Variants in SLC7A13 observed in about 807,000 individuals in gnomAD.
SLC7A13 encodes X-amino acid transporter 2.
SLC7A13 carries 31 observed loss-of-function variants against 32.0 expected under a neutral mutation model. The ratio of observed to expected loss-of-function variants is 0.97; its 90% CI spans 0.73 to 1.31. The LOEUF is 1.31. Among genes scored for constraint, SLC7A13 ranks in the 50% most tolerant of loss-of-function variants. SLC7A13 has a pLI of 0.00. For missense variants in SLC7A13, 633 were observed against 546.9 expected (o/e 1.16, Z -1.57); for synonymous variants, 232 against 206.9 (o/e 1.12, Z -1.04).
At position 86,230,293 on chromosome 8, in the gene SLC7A13, T is replaced by C. The variant is rs1166845366; in HGVS notation, c.-16A>G. 6.6e-7 allele frequency: 1 copy of C among 1,522,584 alleles called. No individual in the cohort carries two copies. The highest frequency in any genetic ancestry group is 1.4e-5 in the African/African-American group (1 of 71,734). The allele number at this position is 1,522,584 out of a possible 1,614,324, so 94.3% of individuals were successfully genotyped here. On this transcript the variant is annotated 5_prime_UTR_variant, in exon 1 of 4. Coordinates refer to ENST00000297524, the MANE Select transcript of SLC7A13 (RefSeq NM_138817.3). ...CTCTATCCATTGTAATTGAAGAGTT[T>C]TAAAATTCTATATAAATTACAATTT... is the stretch of plus-strand genomic sequence containing the variant.
chr8:86,222,427 G>A (rs1328136248), intron 2 of SLC7A13, among the ~76,000 whole-genome samples: 1 of 151,806 alleles, frequency 6.6e-6, no homozygotes, highest in Non-Finnish European at 1.5e-5. Flanking sequence ...CTCTAAGATA[G>A]CTATTTTTTG....
At chr8:86,214,946 T>C (rs1820154585) in intron 3 of SLC7A13, among the ~76,000 whole-genome samples, 1 of 152,142 alleles carries the variant, frequency 6.6e-6, no homozygotes, top group East Asian at 1.9e-4. Flanking sequence ...ACCATGAATC[T>C]GTTAAGAGGG....
chr8:86,217,373 G>T (rs938608606), intron 3 of SLC7A13, 97 bp downstream of exon 3: 9 of 1,143,860 alleles, frequency 7.9e-6, no homozygotes, highest in Non-Finnish European at 1.1e-5. Context: ...TGAGTATTCA[G>T]AAGATCTACT....
chr8:86,225,303 A>G (rs896112650), intron 1 of SLC7A13, among the ~76,000 whole-genome samples: 1 of 152,178 alleles, frequency 6.6e-6, no homozygotes, highest in Non-Finnish European at 1.5e-5. Context: ...GAAGGTTTTA[A>G]TTTTAACCCT....
At chr8:86,222,414 G>T (rs1179649946) in intron 2 of SLC7A13, among the ~76,000 whole-genome samples, 1 of 151,648 alleles carries the variant, frequency 6.6e-6, no homozygotes, top group East Asian at 1.9e-4. Flanking sequence ...TCTACAATTT[G>T]GTCTCTAAGA....
Position 86,223,101 on chromosome 8 carries a change from C to A in SLC7A13, c.688G>T (p.Glu230Ter). 1.3e-6 allele frequency: 2 copies of A among 1,593,006 alleles called. No homozygotes were observed. The highest frequency in any genetic ancestry group is 1.7e-6 in the Non-Finnish European group (2 of 1,171,010). The change falls in exon 2 of 4, where the codon GAG becomes TAG. Residue 230 changes from glutamate to a stop codon, truncating the protein, a stop_gained and splice_region_variant. Transcript: ENST00000297524. LOFTEE classifies it high-confidence loss of function. ...GGACFTLIAGELKKPRTTIPK... is the reference protein window; with the variant it reads ...GGACFTLIAG ...ATTGTTGTTCTGGGCTTCTTCAGCT[C>A]CCCTATAACACAAAAGAGGACACAA... is the stretch of plus-strand genomic sequence containing the variant.
intron 1 of SLC7A13, among the ~76,000 whole-genome samples, chr8:86,229,294 AC>A (rs67994561): frequency 0.13 from 19,060 of 152,188 alleles, 1,305 homozygotes; most frequent in Non-Finnish European, 0.15. Context: ...TATTTTCACA[AC>A]CCCAGCATTC....
At chr8:86,226,101 G>A (rs1253271371) in intron 1 of SLC7A13, among the ~76,000 whole-genome samples, 1 of 152,068 alleles carries the variant, frequency 6.6e-6, no homozygotes, top group Non-Finnish European at 1.5e-5. Flanking sequence ...CGGCTTGTGA[G>A]GAACTCCATA....
At position 86,230,168 on chromosome 8, in the gene SLC7A13, C is replaced by G. The variant is rs1311451664; in HGVS notation, c.110G>C (p.Gly37Ala). 1 of 1,614,018 alleles carries G rather than the reference C, an allele frequency of 6.2e-7. No homozygotes were observed. Among genetic ancestry groups the G allele is most frequent in the Non-Finnish European group, 8.5e-7 (1 of 1,180,040 alleles). ...IGAGIFVSPK[G>A]VLAYSCMNVG... ...GTTCATGCAAGAGTATGCCAACACA[C>G]CTTTGGGGGACACAAAAATTCCTGC... Residue 37 changes from glycine to alanine, a missense_variant, in exon 1 of 4, where the codon GGT (glycine) becomes GCT (alanine). Transcript: ENST00000297524.
At chr8:86,225,191 C>T (rs1554596765) in intron 1 of SLC7A13, among the ~76,000 whole-genome samples, 4 of 152,124 alleles carry the variant, frequency 2.6e-5, no homozygotes, top group Non-Finnish European at 2.9e-5. Context: ...TATCATTTGA[C>T]TATATCAAAT....
At chr8:86,216,329 C>T (rs1365517225) in intron 3 of SLC7A13, among the ~76,000 whole-genome samples, 1 of 152,186 alleles carries the variant, frequency 6.6e-6, no homozygotes, top group Non-Finnish European at 1.5e-5. Context: ...ATCTCTCTCC[C>T]TATGTGCTCT....
intron 3 of SLC7A13, among the ~76,000 whole-genome samples, 188 bp downstream of exon 3, chr8:86,217,282 G>A (rs966307423): frequency 2.0e-5 from 3 of 152,036 alleles, no homozygotes; most frequent in African/African-American, 7.2e-5. Context: ...GAATCTAAGA[G>A]ATTTTTATAT....
intron 1 of SLC7A13, among the ~76,000 whole-genome samples, chr8:86,229,067 T>A (rs1371511134): frequency 6.6e-6 from 1 of 152,178 alleles, no homozygotes; most frequent in Non-Finnish European, 1.5e-5. Context: ...TTATCATTAA[T>A]CAGAATGCTT....
At chr8:86,222,274 C>T (rs558580329) in intron 2 of SLC7A13, among the ~76,000 whole-genome samples, 2 of 152,216 alleles carry the variant, frequency 1.3e-5, no homozygotes, top group African/African-American at 2.4e-5. Flanking sequence ...TTAATGCTGG[C>T]TTGAGGAAAT....
At chr8:86,218,641 A>G (rs1046008819) in intron 2 of SLC7A13, among the ~76,000 whole-genome samples, 1 of 151,898 alleles carries the variant, frequency 6.6e-6, no homozygotes, top group Non-Finnish European at 1.5e-5. Context: ...ACTAACCATT[A>G]GAGAATATTC....
At chr8:86,216,101 T>A (rs1427839802) in intron 3 of SLC7A13, among the ~76,000 whole-genome samples, 1 of 152,202 alleles carries the variant, frequency 6.6e-6, no homozygotes, top group African/African-American at 2.4e-5. Flanking sequence ...AAACTCTTAA[T>A]GATTATCTTA....
At position 86,214,448 on chromosome 8, in the gene SLC7A13, A is replaced by C; in HGVS notation, c.1378T>G (p.Phe460Val). 1 of 1,610,246 alleles carries C rather than the reference A, an allele frequency of 6.2e-7. No homozygotes were observed. Among genetic ancestry groups the C allele is most frequent in the Non-Finnish European group, 8.5e-7 (1 of 1,178,178 alleles). The change falls in exon 4 of 4, where the codon TTT (phenylalanine) becomes GTT (valine). Residue 460 changes from phenylalanine (F) to valine (V), a missense_variant. Phe to Val is a conservative substitution (Grantham distance 50, BLOSUM62 -1). Coordinates refer to ENST00000297524, the MANE Select transcript of SLC7A13 (RefSeq NM_138817.3). ...GACACATCAGGGAGGCAAATATTAA[A>C]TAGTAATTGTAAATAGCAAGTCATC... ...EKMTCYLQLL[F>V]NICLPDVSEE
intron 1 of SLC7A13, among the ~76,000 whole-genome samples, chr8:86,228,482 C>T (rs1323453614): frequency 6.6e-6 from 1 of 152,154 alleles, no homozygotes; most frequent in African/African-American, 2.4e-5. Flanking sequence ...TCAAGCGATC[C>T]TCCCACCTCA....
At chr8:86,220,069 G>T (rs1013342160) in intron 2 of SLC7A13, among the ~76,000 whole-genome samples, 8 of 151,484 alleles carry the variant, frequency 5.3e-5, no homozygotes, top group African/African-American at 1.7e-4. Context: ...TCTATCATTG[G>T]CTATCTTATC....
Sources: gnomAD v4.1 joint callset for allele counts (sites outside exome capture counted in the v4.1 genomes callset) on GRCh38, gnomAD v4.1.1 for gene constraint, MANE v1.5 for transcripts, NCBI Gene and HGNC (gene_info 2026-07-23, HGNC 2026-07-21) for gene names.